The following CNTN4 variants were observed in gnomAD, a reference collection of about 807,000 sequenced individuals.
The protein encoded by CNTN4 is contactin-4.
A neutral mutation model predicts 122.5 loss-of-function variants in CNTN4; 77 were observed. That is an observed-to-expected ratio of 0.63 (90% CI 0.52 to 0.76). The LOEUF is 0.76. Ranked by LOEUF, CNTN4 falls within the 30% of genes least tolerant of loss-of-function variation. The pLI is 0.00. For missense variants in CNTN4, 1,256 were observed against 1,259.1 expected (o/e 1.00, Z 0.04); for synonymous variants, 512 against 447.0 (o/e 1.15, Z -1.83).
At chr3:2,547,835 A>C (rs570302846) in intron 3 of CNTN4, among the ~76,000 whole-genome samples, 1 of 152,266 alleles carries the variant, frequency 6.6e-6, no homozygotes, top group African/African-American at 2.4e-5. Context: ...GTTTCTCATG[A>C]TACTGTCCAA....
intron 4 of CNTN4, among the ~76,000 whole-genome samples, chr3:2,653,188 A>G (rs947143108): frequency 6.6e-6 from 1 of 152,126 alleles, no homozygotes; most frequent in Non-Finnish European, 1.5e-5. Context: ...AAATCTCCAC[A>G]ATTTTTAAAA....
chr3:2,122,425 AT>A (rs1486744114), intron 2 of CNTN4, among the ~76,000 whole-genome samples: 1 of 152,212 alleles, frequency 6.6e-6, no homozygotes, highest in African/African-American at 2.4e-5. Context: ...TTAAAGATGA[AT>A]CTTAGATGTC....
At chr3:2,593,360 C>A (rs17564391) in intron 4 of CNTN4, among the ~76,000 whole-genome samples, 1 of 151,944 alleles carries the variant, frequency 6.6e-6, no homozygotes, top group African/African-American at 2.4e-5. Context: ...CCTCTGTTAA[C>A]CTTCGCAATT....
intron 10 of CNTN4, among the ~76,000 whole-genome samples, chr3:2,896,540 C>G (rs1487418690): frequency 6.6e-6 from 1 of 152,144 alleles, no homozygotes; most frequent in Non-Finnish European, 1.5e-5. Flanking sequence ...TTTTCAGTGA[C>G]TTCTGCCAAC....
chr3:2,319,458 G>A (rs1015309214), intron 2 of CNTN4, among the ~76,000 whole-genome samples: 1 of 151,934 alleles, frequency 6.6e-6, no homozygotes, highest in East Asian at 1.9e-4. Flanking sequence ...TTCCTGCCTC[G>A]CCTTCCATCT....
At chr3:2,775,244 C>T (rs1017768292) in intron 6 of CNTN4, among the ~76,000 whole-genome samples, 3 of 152,098 alleles carry the variant, frequency 2.0e-5, no homozygotes, top group African/African-American at 7.2e-5. Context: ...GTTTTTATTT[C>T]CAGCCAGTTC....
At chr3:2,535,034 A>G (rs145793959) in intron 3 of CNTN4, among the ~76,000 whole-genome samples, 268 of 152,256 alleles carry the variant, frequency 1.8e-3, no homozygotes, top group East Asian at 0.011. Flanking sequence ...ACATAATAGC[A>G]AGAATTGACT....
chr3:2,670,937 G>C (rs1404931786), intron 4 of CNTN4, among the ~76,000 whole-genome samples: 1 of 152,152 alleles, frequency 6.6e-6, no homozygotes, highest in Non-Finnish European at 1.5e-5. Context: ...CTCTCTTCTG[G>C]CTTGTAGTTT....
intron 2 of CNTN4, among the ~76,000 whole-genome samples, chr3:2,144,500 G>A (rs928097114): frequency 1.3e-5 from 2 of 152,134 alleles, no homozygotes; most frequent in African/African-American, 4.8e-5. Flanking sequence ...CATCAACCTT[G>A]GCTGGACACA....
chr3:2,774,878 A>G (rs2091254059), intron 6 of CNTN4, among the ~76,000 whole-genome samples: 2 of 152,242 alleles, frequency 1.3e-5, no homozygotes, highest in African/African-American at 2.4e-5. Context: ...TGTTTACAAA[A>G]TAGCCTGTTG....
chr3:2,936,087 CAG>C (rs1340655933), intron 13 of CNTN4, among the ~76,000 whole-genome samples: 1 of 152,294 alleles, frequency 6.6e-6, no homozygotes, highest in Admixed American at 6.5e-5. Context: ...CACTGGGAAA[CAG>C]AGTGAAGTAA....
At chr3:2,706,655 C>T (rs1292750006) in intron 4 of CNTN4, among the ~76,000 whole-genome samples, 1 of 152,088 alleles carries the variant, frequency 6.6e-6, no homozygotes, top group Non-Finnish European at 1.5e-5. Flanking sequence ...TGTCACCTGC[C>T]ATAGCAAAAT....
At chr3:2,911,917 A>G (rs2094304336) in intron 12 of CNTN4, among the ~76,000 whole-genome samples, 1 of 152,202 alleles carries the variant, frequency 6.6e-6, no homozygotes, top group Non-Finnish European at 1.5e-5. Flanking sequence ...AAAATAAGAA[A>G]AGTGAAGAAA....
intron 4 of CNTN4, among the ~76,000 whole-genome samples, chr3:2,586,040 T>G (rs931744112): frequency 1.3e-5 from 2 of 152,150 alleles, no homozygotes; most frequent in African/African-American, 4.8e-5. Context: ...TCAAATACAT[T>G]ATATAATTTA....
At chr3:2,901,773 C>G (rs1425571592) in intron 11 of CNTN4, among the ~76,000 whole-genome samples, 1 of 152,124 alleles carries the variant, frequency 6.6e-6, no homozygotes, top group Non-Finnish European at 1.5e-5. Context: ...CTCCAACCAA[C>G]TAAAATTGGG....
intron 3 of CNTN4, among the ~76,000 whole-genome samples, chr3:2,555,077 A>G (rs1170481617): frequency 6.6e-6 from 1 of 152,220 alleles, no homozygotes; most frequent in Admixed American, 6.5e-5. Flanking sequence ...TTTGTCATAG[A>G]TAATTTGAGT....
At chr3:2,778,242 AAAT>A (rs2091427017) in intron 6 of CNTN4, among the ~76,000 whole-genome samples, 2 of 135,750 alleles carry the variant, frequency 1.5e-5, no homozygotes, top group African/African-American at 2.6e-5. Context: ...ATAAATAAAT[AAAT>A]AAATAAATAA....
intron 4 of CNTN4, among the ~76,000 whole-genome samples, chr3:2,610,123 C>T (rs2081418925): frequency 6.6e-6 from 1 of 152,074 alleles, no homozygotes; most frequent in Non-Finnish European, 1.5e-5. Context: ...ACAAAACACT[C>T]ATTCCATATT....
chr3:2,480,137 C>CT (rs1288196259), intron 3 of CNTN4, among the ~76,000 whole-genome samples: 1 of 125,268 alleles, frequency 8.0e-6, no homozygotes, highest in Admixed American at 7.6e-5. Flanking sequence ...TAAAGAATAT[C>CT]TAAAAAAAAC....
Sources: gnomAD v4.1 joint callset for allele counts (sites outside exome capture counted in the v4.1 genomes callset) on GRCh38, gnomAD v4.1.1 for gene constraint, MANE v1.5 for transcripts, NCBI Gene and HGNC (gene_info 2026-07-23, HGNC 2026-07-21) for gene names.